The following TMC5 variants were observed in gnomAD, a reference collection of about 807,000 sequenced individuals.
TMC5 encodes transmembrane channel-like protein 5.
TMC5 carries 86 observed loss-of-function variants against 110.5 expected under a neutral mutation model. That is an observed-to-expected ratio of 0.78 (90% CI 0.65 to 0.93). The LOEUF (loss-of-function observed/expected upper bound fraction) is 0.93. TMC5 is among the 40% of genes least tolerant of loss of function. The probability of loss-of-function intolerance (pLI) is 0.00; values close to 1 mark genes in which losing one functional copy is unlikely to be tolerated. For synonymous variants in TMC5, 455 were observed against 439.5 expected, an observed-to-expected ratio of 1.04 and a Z score of -0.44; for missense variants, 1,144 against 1,222.8, an observed-to-expected ratio of 0.94 and a Z score of 0.96.
At chr16:19,463,239 C>A in intron 6 of TMC5, 41 bp from the exon 7 acceptor site, 3 of 1,467,754 alleles carry the variant, frequency 2.0e-6, no homozygotes, top group South Asian at 2.3e-5. Context: ...GAATGAGTTG[C>A]AACATTTGTA....
chr16:19,491,275 G>T (rs945527713), intron 18 of TMC5, among the ~76,000 whole-genome samples: 1 of 152,240 alleles, frequency 6.6e-6, no homozygotes, highest in African/African-American at 2.4e-5. Flanking sequence ...TTCTCAAAGT[G>T]TTGGGATTAC....
intron 15 of TMC5, among the ~76,000 whole-genome samples, chr16:19,483,617 A>G (rs559485684): frequency 1.9e-3 from 293 of 152,044 alleles, no homozygotes; most frequent in Non-Finnish European, 3.0e-3. Flanking sequence ...CATCTCTACT[A>G]AAAATACAAA....
chr16:19,453,008 A>G lies in TMC5; in HGVS notation c.1048+3377A>G, dbSNP rs567681763. Among the ~76,000 whole-genome samples the G allele has an allele frequency of 6.7e-5, 7 of 104,116 alleles. No individual in the cohort carries two copies. In the Admixed American group the frequency reaches 7.8e-4, roughly 12 times the overall value. The allele number at this position is 104,116 out of a possible 152,430, so 68.3% of individuals were successfully genotyped here. ...ACGGGTGGGAAAAAATTATATATAT[A>G]TATTATATATATATATATCACAGGA... On this transcript the variant is annotated intron_variant, in intron 5 of 21. Transcript: ENST00000542583.
chr16:19,458,919 C>T (rs988279180), intron 5 of TMC5, among the ~76,000 whole-genome samples: 1 of 152,202 alleles, frequency 6.6e-6, no homozygotes, highest in Non-Finnish European at 1.5e-5. Context: ...CTCAGCCACC[C>T]TCGGCACGGT....
chr16:19,453,536 C>T (rs900791302), intron 5 of TMC5, among the ~76,000 whole-genome samples: 18 of 151,458 alleles, frequency 1.2e-4, no homozygotes, highest in African/African-American at 4.4e-4. Context: ...TTGCCGTGAG[C>T]TGAGATCATG....
At chr16:19,474,315 C>T (rs1280002547) in intron 12 of TMC5, 39 bp downstream of exon 12, 17 of 1,598,120 alleles carry the variant, frequency 1.1e-5, no homozygotes, top group Non-Finnish European at 1.5e-5. Flanking sequence ...CCTCTATTTC[C>T]ACAGAGAGAA....
rs754729555 is a variant in TMC5, at chr16:19,440,662, A to T, written c.624A>T (p.Pro208=). ...ACTCTCTGGGAAAGCCTGATTATCCAGGCGCTGACATTCAACCTAACTCTC... is the reference window on the plus strand; with the variant it reads ...ACTCTCTGGGAAAGCCTGATTATCCTGGCGCTGACATTCAACCTAACTCTC... ...YADSLGKPDY[P]GADIQPNSPP... Residue 208 remains proline (P), a synonymous_variant, in exon 3 of 22, where the codon CCA becomes CCT. Transcript: ENST00000542583. 6.2e-7 allele frequency: 1 copy of T among 1,614,228 alleles called. No individual in the cohort carries two copies. The highest frequency in any genetic ancestry group is 8.5e-7 in the Non-Finnish European group (1 of 1,180,034).
At chr16:19,479,118 G>C (rs1212231058) in intron 13 of TMC5, among the ~76,000 whole-genome samples, 3 of 152,196 alleles carry the variant, frequency 2.0e-5, no homozygotes, top group Non-Finnish European at 4.4e-5. Context: ...ACCCTTGGCT[G>C]AGAAATGGGA....
intron 1 of TMC5, among the ~76,000 whole-genome samples, chr16:19,420,691 G>A (rs1441132994): frequency 6.6e-6 from 1 of 152,090 alleles, no homozygotes; most frequent in Non-Finnish European, 1.5e-5. Context: ...TCCAACTCCT[G>A]GTTTCAAGCA....
In TMC5 at chr16:19,498,085, A is replaced by T; in HGVS notation, c.*119A>T. ...CAGAAGAAAATCCAAGGCTTTAGCC[A>T]GGAGCGGAAACTGACTACCATGTAA... is the stretch of plus-strand genomic sequence containing the variant. On this transcript the variant is annotated 3_prime_UTR_variant, in exon 22 of 22. Transcript: ENST00000542583. 9.9e-7 allele frequency: 1 copy of T among 1,014,394 alleles called. No homozygotes were observed. The highest frequency in any genetic ancestry group is 1.5e-6 in the Non-Finnish European group (1 of 652,062). The allele number at this position is 1,014,394 out of a possible 1,614,324, so 62.8% of individuals were successfully genotyped here. A position where few individuals can be genotyped will look rare whatever the true frequency, so the allele number is the denominator to read the frequency against.
At chr16:19,459,614 A>C (rs756125515) in intron 5 of TMC5, among the ~76,000 whole-genome samples, 21 of 152,060 alleles carry the variant, frequency 1.4e-4, no homozygotes, top group Middle Eastern at 3.4e-3. Context: ...CCATCTCTAC[A>C]AATAATAATT....
intron 9 of TMC5, 105 bp from the exon 10 acceptor site, chr16:19,469,576 A>AC: frequency 7.1e-7 from 1 of 1,402,678 alleles, no homozygotes; most frequent in Non-Finnish European, 9.9e-7. Flanking sequence ...CTAAGTCTTC[A>AC]CGTTGCCTTT....
intron 1 of TMC5, among the ~76,000 whole-genome samples, chr16:19,422,191 A>G (rs9931384): frequency 0.04 from 6,067 of 151,582 alleles, 160 homozygotes; most frequent in African/African-American, 0.07. Flanking sequence ...AGATCACACC[A>G]CTATACTCCA....
intron 5 of TMC5, chr16:19,456,418 TTC>T: frequency 9.4e-7 from 1 of 1,066,270 alleles, no homozygotes; most frequent in Admixed American, 4.5e-5. Flanking sequence ...AAATGAAAGA[TTC>T]TGTTTTCGAT....
At chr16:19,436,707 A>AG (rs1967358273) in intron 2 of TMC5, among the ~76,000 whole-genome samples, 1 of 152,318 alleles carries the variant, frequency 6.6e-6, no homozygotes, top group Admixed American at 6.5e-5. Context: ...TGACTCAAGT[A>AG]TCCAGCTGCC....
intron 20 of TMC5, among the ~76,000 whole-genome samples, chr16:19,496,876 C>A (rs1969066373): frequency 1.1e-5 from 1 of 87,442 alleles, no homozygotes; most frequent in Non-Finnish European, 2.0e-5. Flanking sequence ...GGAGATAAAG[C>A]AAGACTCTGT....
rs1477385572 is a variant in TMC5 at position 19,487,472 on chromosome 16, C to T, written c.2573+146C>T. On this transcript the variant is annotated intron_variant, in intron 17 of 21. Transcript: ENST00000542583. ...ATCCCGGCACTATGGGAGGCCAAGG[C>T]GGGTGGATCACTTGAGGCCAGGAGT... The T allele has an allele frequency of 2.0e-5, 22 of 1,091,128 alleles. No individual in the cohort carries two copies. The highest frequency in any genetic ancestry group is 3.2e-5 in the African/African-American group (2 of 62,548). The allele number at this position is 1,091,128 out of a possible 1,614,324, so 67.6% of individuals were successfully genotyped here.
chr16:19,446,054 A>AGG (rs1240261622), intron 4 of TMC5, among the ~76,000 whole-genome samples: 1 of 96,736 alleles, frequency 1.0e-5, no homozygotes, highest in African/African-American at 4.0e-5. Context: ...CAGGAAAGGA[A>AGG]GGGAGTGGAG....
At chr16:19,495,026 T>G (rs1166059342) in intron 20 of TMC5, among the ~76,000 whole-genome samples, 31 of 21,306 alleles carry the variant, frequency 1.5e-3, no homozygotes, top group Non-Finnish European at 3.8e-3. Context: ...TTTTTTTTTT[T>G]TTTTTTGAGA....
Sources: gnomAD v4.1 joint callset for allele counts (sites outside exome capture counted in the v4.1 genomes callset) on GRCh38, gnomAD v4.1.1 for gene constraint, MANE v1.5 for transcripts, NCBI Gene and HGNC (gene_info 2026-07-23, HGNC 2026-07-21) for gene names.